Variants in GREM1 observed in about 807,000 individuals in gnomAD.
GREM1 encodes gremlin-1.
In GREM1, 6 loss-of-function variants were observed where a neutral mutation model predicts 13.1. The ratio of observed to expected loss-of-function variants is 0.46; its 90% CI spans 0.25 to 0.91. The LOEUF (loss-of-function observed/expected upper bound fraction) is 0.91, where lower values mean the gene tolerates loss of function less well. Ranked by LOEUF, GREM1 falls within the 40% of genes least tolerant of loss-of-function variation. The pLI, the probability that GREM1 is intolerant of heterozygous loss-of-function variation, is 0.18. For synonymous variants in GREM1, 98 were observed against 93.7 expected (o/e 1.05, Z -0.27); for missense variants, 185 against 233.9 (o/e 0.79, Z 1.36).
rs769267630 is a variant in GREM1 at position 32,734,140 on chromosome 15, C to G, written c.*2895C>G. On this transcript the variant is annotated 3_prime_UTR_variant, in exon 2 of 2. Transcript: ENST00000651154. ...TTTATCTGGTCAGGGGAAACAAAAT[C>G]TTGACCCAGCTGAACATGTCTTCCT... The G allele has an allele frequency of 2.1e-5, 5 of 241,844 alleles. No homozygotes were observed. Among genetic ancestry groups the G allele is most frequent in the Non-Finnish European group, 3.5e-5 (4 of 114,394 alleles). 15.0% of individuals were successfully genotyped at this position (241,844 alleles called of 1,614,324 possible).
intron 1 of GREM1, among the ~76,000 whole-genome samples, chr15:32,719,480 C>G (rs1367448795): frequency 6.6e-6 from 1 of 152,198 alleles, no homozygotes; most frequent in Non-Finnish European, 1.5e-5. Context: ...CCCTCCTCGA[C>G]CGACTCCGAA....
chr15:32,740,452 G>C lies in GREM1; in HGVS notation c.*9207G>C, dbSNP rs1346986202. 1 of 152,000 alleles carries C rather than the reference G, an allele frequency of 6.6e-6. No individual in the cohort carries two copies. Among genetic ancestry groups the C allele is most frequent in the Non-Finnish European group, 1.5e-5 (1 of 67,998 alleles). 9.4% of individuals were successfully genotyped at this position (152,000 alleles called of 1,614,324 possible). ...AACTGAAGAACACAACAACTGAACT[G>C]AAAAAATTTATGACAGGACATCAAC... On this transcript the variant is annotated 3_prime_UTR_variant, in exon 2 of 2. Coordinates refer to ENST00000651154, the MANE Select transcript of GREM1 (RefSeq NM_013372.7).
At chr15:32,728,299 CAAAGT>C (rs890346447) in intron 1 of GREM1, among the ~76,000 whole-genome samples, 15 of 152,050 alleles carry the variant, frequency 9.9e-5, no homozygotes, top group African/African-American at 3.1e-4. Flanking sequence ...TTTTAAAAGA[CAAAGT>C]AAAGTAATTT....
At chr15:32,720,324 C>G (rs1238879070) in intron 1 of GREM1, among the ~76,000 whole-genome samples, 1 of 152,054 alleles carries the variant, frequency 6.6e-6, no homozygotes, top group Non-Finnish European at 1.5e-5. Context: ...GGCTGCCTAC[C>G]CTGTCTTTGA....
rs1294075392 is a variant in GREM1 at position 32,738,595 on chromosome 15, T to C, written c.*7350T>C. The C allele has an allele frequency of 6.6e-6, 1 of 152,122 alleles. No individual in the cohort carries two copies. The highest frequency in any genetic ancestry group is 2.4e-5 in the African/African-American group (1 of 41,416). 9.4% of individuals were successfully genotyped at this position (152,122 alleles called of 1,614,324 possible). On this transcript the variant is annotated 3_prime_UTR_variant, in exon 2 of 2. Transcript: ENST00000651154. ...AGTTAATCCTAAAATTCATAAGAAA[T>C]TGAAAGGGATCCACAATAGCCAAAA...
chr15:32,728,157 G>GA (rs2055547568), intron 1 of GREM1, among the ~76,000 whole-genome samples: 1 of 152,016 alleles, frequency 6.6e-6, no homozygotes, highest in African/African-American at 2.4e-5. Flanking sequence ...ATATGGAACT[G>GA]AAAAAAGAGC....
intron 1 of GREM1, among the ~76,000 whole-genome samples, chr15:32,728,879 A>G (rs1289647915): frequency 6.6e-6 from 1 of 152,138 alleles, no homozygotes; most frequent in Non-Finnish European, 1.5e-5. Context: ...CCACACTTTA[A>G]TAATTCTCTC....
At position 32,734,017 on chromosome 15, in the gene GREM1, G is replaced by T. The variant is rs2055664659; in HGVS notation, c.*2772G>T. 1 of 241,956 alleles carries T rather than the reference G, an allele frequency of 4.1e-6. No homozygotes were observed. Among genetic ancestry groups the T allele is most frequent in the African/African-American group, 2.2e-5 (1 of 45,054 alleles). The allele number at this position is 241,956 out of a possible 1,614,324, so 15.0% of individuals were successfully genotyped here. A position where few individuals can be genotyped will look rare whatever the true frequency, so the allele number is the denominator to read the frequency against. On this transcript the variant is annotated 3_prime_UTR_variant, in exon 2 of 2. Coordinates refer to ENST00000651154, the MANE Select transcript of GREM1 (RefSeq NM_013372.7). ...TGTAATTATTACTTCAAATCCTTTG[G>T]TCACTGTGATTTCAAGCATGTTTTC... is the stretch of plus-strand genomic sequence containing the variant.
At position 32,731,037 on chromosome 15, in the gene GREM1, G is replaced by A. The variant is rs756849803; in HGVS notation, c.347G>A (p.Arg116His). 2 of 1,614,186 alleles carry A rather than the reference G, an allele frequency of 1.2e-6. No individual in the cohort carries two copies. The highest frequency in any genetic ancestry group is 1.7e-6 in the Non-Finnish European group (2 of 1,180,020). The change falls in exon 2 of 2, where the codon CGC becomes CAC. Residue 116 changes from arginine (R) to histidine (H), a missense_variant. Physicochemically the swap from Arg to His is conservative, Grantham distance 29 (BLOSUM62 0). Coordinates refer to ENST00000651154, the MANE Select transcript of GREM1 (RefSeq NM_013372.7). ...EGCNSRTIIN[R>H]FCYGQCNSFY... ...TGCAACAGTCGCACCATCATCAACC[G>A]CTTCTGTTACGGCCAGTGCAACTCT...
In GREM1 at chr15:32,744,717, T is replaced by C. The variant is rs963270948; in HGVS notation, c.*13472T>C. On this transcript the variant is annotated 3_prime_UTR_variant, in exon 2 of 2. Transcript: ENST00000651154. ...GATGCAGGATAACAATGCAGTGTTA[T>C]CCTGCATCTGTACAATCAAGCACCC... 6.6e-6 allele frequency: 1 copy of C among 151,980 alleles called. No homozygotes were observed. The highest frequency in any genetic ancestry group is 1.5e-5 in the Non-Finnish European group (1 of 67,988). The allele number at this position is 151,980 out of a possible 1,614,324, so 9.4% of individuals were successfully genotyped here. A position where few individuals can be genotyped will look rare whatever the true frequency, so the allele number is the denominator to read the frequency against.
chr15:32,742,689 A>G lies in GREM1; in HGVS notation c.*11444A>G, dbSNP rs1423164251. The G allele has an allele frequency of 2.0e-5, 3 of 152,252 alleles. No individual in the cohort carries two copies. Among genetic ancestry groups the G allele is most frequent in the African/African-American group, 7.2e-5 (3 of 41,476 alleles). 9.4% of individuals were successfully genotyped at this position (152,252 alleles called of 1,614,324 possible). A position where few individuals can be genotyped will look rare whatever the true frequency, so the allele number is the denominator to read the frequency against. ...CATAAAGACAAACACACAGACCAAT[A>G]GAACAGAATAGAGAGCTCAGCAACA... On this transcript the variant is annotated 3_prime_UTR_variant, in exon 2 of 2. Coordinates refer to ENST00000651154, the MANE Select transcript of GREM1 (RefSeq NM_013372.7).
intron 1 of GREM1, chr15:32,718,611 G>C (rs2140662581): frequency 2.6e-6 from 1 of 382,408 alleles, no homozygotes. Flanking sequence ...GGGGCGCCGC[G>C]CTGGGTCTGG....
At position 32,740,657 on chromosome 15, in the gene GREM1, A is replaced by G. The variant is rs1224941293; in HGVS notation, c.*9412A>G. On this transcript the variant is annotated 3_prime_UTR_variant, in exon 2 of 2. Transcript: ENST00000651154. ...CATCACAGAATAAAAGAGAGAAAAG[A>G]ACTGAGAACGTATTCAAAGAAATAA... is the stretch of plus-strand genomic sequence containing the variant. 1 of 152,230 alleles carries G rather than the reference A, an allele frequency of 6.6e-6. No individual in the cohort carries two copies. The highest frequency in any genetic ancestry group is 2.4e-5 in the African/African-American group (1 of 41,462). 9.4% of individuals were successfully genotyped at this position (152,230 alleles called of 1,614,324 possible).
At position 32,734,635 on chromosome 15, in the gene GREM1, A is replaced by AG. The variant is rs1402968705; in HGVS notation, c.*3391dup. 4.1e-6 allele frequency: 1 copy of AG among 244,310 alleles called. No homozygotes were observed. The highest frequency in any genetic ancestry group is 2.2e-5 in the African/African-American group (1 of 45,176). 15.1% of individuals were successfully genotyped at this position (244,310 alleles called of 1,614,324 possible). On this transcript the variant is annotated 3_prime_UTR_variant, in exon 2 of 2. Transcript: ENST00000651154. ...TAATGTTCTATATAGCCTTTGCTAA[A>AG]GAGCAACTAATAAATTAAACCTATT...
At chr15:32,720,544 G>A (rs1265877948) in intron 1 of GREM1, among the ~76,000 whole-genome samples, 1 of 152,122 alleles carries the variant, frequency 6.6e-6, no homozygotes, top group African/African-American at 2.4e-5. Context: ...GTTAGGGGAG[G>A]TGACTGCAGC....
intron 1 of GREM1, chr15:32,719,103 T>G (rs1284408900): frequency 6.5e-6 from 1 of 154,322 alleles, no homozygotes; most frequent in Non-Finnish European, 1.4e-5. Flanking sequence ...GCTGGGCGTC[T>G]TTCGTTCTCT....
Position 32,728,952 on chromosome 15 carries a change from C to T in GREM1, c.-1-1738C>T, listed in dbSNP as rs1193198728. Among the ~76,000 whole-genome samples the T allele has an allele frequency of 2.0e-5, 3 of 152,274 alleles. No individual in the cohort carries two copies. In the East Asian group the frequency reaches 5.8e-4, roughly 29 times the overall value. On this transcript the variant is annotated intron_variant, in intron 1 of 1. Coordinates refer to ENST00000651154, the MANE Select transcript of GREM1 (RefSeq NM_013372.7). ...CTCAAAGCTTAATAAAAAGGCAGACCTGCTGAATCATAATCTGCATCTTAA... is the reference window on the plus strand; with the variant it reads ...CTCAAAGCTTAATAAAAAGGCAGACTTGCTGAATCATAATCTGCATCTTAA...
In GREM1 at chr15:32,735,498, A is replaced by G. The variant is rs2055685517; in HGVS notation, c.*4253A>G. ...GTTTGTTCTTTTAAGAACATAACAC[A>G]GCACTCTAAAAATAGATCTAACTAG... On this transcript the variant is annotated 3_prime_UTR_variant, in exon 2 of 2. Coordinates refer to ENST00000651154, the MANE Select transcript of GREM1 (RefSeq NM_013372.7). 1 of 152,208 alleles carries G rather than the reference A, an allele frequency of 6.6e-6. No homozygotes were observed. The highest frequency in any genetic ancestry group is 2.4e-5 in the African/African-American group (1 of 41,456). 9.4% of individuals were successfully genotyped at this position (152,208 alleles called of 1,614,324 possible).
chr15:32,738,827 C>T lies in GREM1; in HGVS notation c.*7582C>T, dbSNP rs1485661756. On this transcript the variant is annotated 3_prime_UTR_variant, in exon 2 of 2. Transcript: ENST00000651154. ...ACTAAAAATTTAAAAAGGAATTAGC[C>T]AGGTGTGGTAACATGCACCTGTTGT... The T allele has an allele frequency of 6.6e-6, 1 of 152,082 alleles. No individual in the cohort carries two copies. The highest frequency in any genetic ancestry group is 1.5e-5 in the Non-Finnish European group (1 of 68,026). The allele number at this position is 152,082 out of a possible 1,614,324, so 9.4% of individuals were successfully genotyped here.
Sources: gnomAD v4.1 joint callset for allele counts (sites outside exome capture counted in the v4.1 genomes callset) on GRCh38, gnomAD v4.1.1 for gene constraint, MANE v1.5 for transcripts, NCBI Gene and HGNC (gene_info 2026-07-23, HGNC 2026-07-21) for gene names.